The following PARD3 variants were observed in gnomAD, a reference collection of about 807,000 sequenced individuals.
PARD3 encodes par-3 family cell polarity regulator, also known as partitioning defective 3 homolog.
PARD3 carries 75 observed loss-of-function variants against 155.4 expected under a neutral mutation model. The observed-to-expected ratio is 0.48, with a 90% CI of 0.40 to 0.58. The LOEUF is 0.58. Ranked by LOEUF, PARD3 falls within the 20% of genes least tolerant of loss-of-function variation. The pLI is 0.00. For synonymous variants in PARD3, 576 were observed against 610.5 expected (o/e 0.94, Z 0.83); for missense variants, 1,642 against 1,721.7 (o/e 0.95, Z 0.82).
chr10:34,475,023 C>A (rs937864983), intron 3 of PARD3, among the ~76,000 whole-genome samples: 6 of 152,080 alleles, frequency 3.9e-5, no homozygotes, highest in East Asian at 1.9e-4. Flanking sequence ...GGAAAGCATG[C>A]CTGCAAGGAA....
At chr10:34,241,195 G>C (rs1953567422) in intron 22 of PARD3, among the ~76,000 whole-genome samples, 1 of 152,186 alleles carries the variant, frequency 6.6e-6, no homozygotes, top group African/African-American at 2.4e-5. Context: ...CAGGACATCA[G>C]GTAGACCATG....
At chr10:34,662,830 C>G (rs2093356235) in intron 2 of PARD3, among the ~76,000 whole-genome samples, 1 of 150,704 alleles carries the variant, frequency 6.6e-6, no homozygotes, top group Admixed American at 6.6e-5. Flanking sequence ...TGAGATAGTG[C>G]CACTGCACTC....
At chr10:34,762,472 T>C (rs2134026786) in intron 1 of PARD3, among the ~76,000 whole-genome samples, 1 of 139,426 alleles carries the variant, frequency 7.2e-6, no homozygotes, top group Admixed American at 7.1e-5. Flanking sequence ...TGCCTGACTT[T>C]TTTTTTTTTT....
chr10:34,727,669 C>G (rs562199979), intron 1 of PARD3, among the ~76,000 whole-genome samples: 1 of 152,056 alleles, frequency 6.6e-6, no homozygotes, highest in African/African-American at 2.4e-5. Context: ...TTTCTGCTCC[C>G]GGTCTCTCAT....
chr10:34,151,491 G>C (rs1948781321), intron 22 of PARD3, among the ~76,000 whole-genome samples: 1 of 152,054 alleles, frequency 6.6e-6, no homozygotes, highest in Non-Finnish European at 1.5e-5. Context: ...TATATGTACA[G>C]CTCCAAATTT....
rs1201495116 is a variant in PARD3 at position 34,697,940 on chromosome 10, G to GT, written c.121-1522dup. On this transcript the variant is annotated intron_variant, in intron 1 of 24. Transcript: ENST00000374788. ...ATGTGTTGAGTCCCCAAAGAATGAA[G>GT]TCCCAAAACCATTTACTGATGGTAA... Among the ~76,000 whole-genome samples, 6 of 152,162 alleles carry GT rather than the reference G, an allele frequency of 3.9e-5. No homozygotes were observed. The South Asian group carries it at 1.2e-3, about 32-fold the overall frequency.
At chr10:34,650,617 AT>A (rs575045230) in intron 2 of PARD3, among the ~76,000 whole-genome samples, 280 of 152,312 alleles carry the variant, frequency 1.8e-3, no homozygotes, top group African/African-American at 6.2e-3. Flanking sequence ...GCTCTTAGAA[AT>A]TGTCTTCATA....
intron 1 of PARD3, among the ~76,000 whole-genome samples, chr10:34,812,957 G>A (rs1046684845): frequency 5.3e-5 from 8 of 152,172 alleles, no homozygotes; most frequent in Non-Finnish European, 1.0e-4. Context: ...CAGCATCCCA[G>A]AGGCCACCTC....
At position 34,345,541 on chromosome 10, in the gene PARD3, CCAAA is replaced by C. The variant is rs1434329058; in HGVS notation, c.2218+2420_2218+2423del. The C allele has an allele frequency of 1.2e-5, 12 of 985,172 alleles. No individual in the cohort carries two copies. In the African/African-American group the frequency reaches 1.6e-4, roughly 13 times the overall value. 61.0% of individuals were successfully genotyped at this position (985,172 alleles called of 1,614,324 possible). On this transcript the variant is annotated intron_variant, in intron 15 of 24. Transcript: ENST00000374788. Reference sequence around the variant, plus strand: ...CAAACATATAGAAGACAATCATTAACCAAACAGTCTGAGGAATATCTATGCGCCT... The same window carrying C: ...CAAACATATAGAAGACAATCATTAACCAGTCTGAGGAATATCTATGCGCCT...
At chr10:34,643,814 G>A (rs1013167401) in intron 2 of PARD3, among the ~76,000 whole-genome samples, 2 of 148,222 alleles carry the variant, frequency 1.3e-5, no homozygotes, top group Non-Finnish European at 2.9e-5. Flanking sequence ...CTACTTGGGA[G>A]GCTGAGGTGG....
intron 3 of PARD3, among the ~76,000 whole-genome samples, chr10:34,515,287 T>C (rs1328656807): frequency 6.6e-6 from 1 of 152,214 alleles, no homozygotes. Flanking sequence ...TATATCCTAG[T>C]AGTCAACAAA....
chr10:34,513,418 C>A (rs1050354338), intron 3 of PARD3, among the ~76,000 whole-genome samples: 1 of 152,098 alleles, frequency 6.6e-6, no homozygotes, highest in Non-Finnish European at 1.5e-5. Flanking sequence ...GTAGCTGGGA[C>A]TACAGGCGTG....
intron 22 of PARD3, among the ~76,000 whole-genome samples, chr10:34,202,525 C>T (rs1473335748): frequency 1.3e-5 from 2 of 152,210 alleles, no homozygotes; most frequent in Admixed American, 6.5e-5. Context: ...ATAAACGACA[C>T]AGGCATGTTA....
intron 2 of PARD3, among the ~76,000 whole-genome samples, chr10:34,692,601 G>A (rs2477011): frequency 0.39 from 59,627 of 152,154 alleles, 12,624 homozygotes; most frequent in African/African-American, 0.53. Flanking sequence ...GAGGCCAGGC[G>A]TGGTGGCTTA....
At chr10:34,746,674 T>C (rs893204180) in intron 1 of PARD3, among the ~76,000 whole-genome samples, 5 of 151,178 alleles carry the variant, frequency 3.3e-5, no homozygotes, top group African/African-American at 1.2e-4. Context: ...TAAAAAATTA[T>C]GAAAGACGCT....
chr10:34,252,221 GCTTTGGGGACAGAGCCAGGCC>G (rs1954356017), intron 22 of PARD3, among the ~76,000 whole-genome samples: 1 of 152,138 alleles, frequency 6.6e-6, no homozygotes, highest in Admixed American at 6.5e-5. Context: ...CAGCTGCTGT[GCTTTGGGGACAGAGCCAGGCC>G]CCTCAGAGGC....
chr10:34,762,305 A>G (rs1837557609), intron 1 of PARD3, among the ~76,000 whole-genome samples: 4 of 151,634 alleles, frequency 2.6e-5, no homozygotes, highest in Admixed American at 2.6e-4. Context: ...AGAGAGAGAG[A>G]GAGAGAGAGA....
intron 2 of PARD3, among the ~76,000 whole-genome samples, chr10:34,670,204 C>T (rs1271781050): frequency 6.6e-6 from 1 of 152,254 alleles, no homozygotes; most frequent in Admixed American, 6.5e-5. Context: ...CATGCACACG[C>T]ACCTCTGTGC....
chr10:34,304,380 TAGAC>T (rs988615059), intron 20 of PARD3, among the ~76,000 whole-genome samples: 17 of 149,878 alleles, frequency 1.1e-4, no homozygotes, highest in African/African-American at 4.2e-4. Context: ...GAAGAGACCA[TAGAC>T]AGAGAAAGCT....
Sources: gnomAD v4.1 joint callset for allele counts (sites outside exome capture counted in the v4.1 genomes callset) on GRCh38, gnomAD v4.1.1 for gene constraint, MANE v1.5 for transcripts, NCBI Gene and HGNC (gene_info 2026-07-23, HGNC 2026-07-21) for gene names.